IQGAP1: variants seen among roughly 807,000 people sequenced by gnomAD.
IQGAP1 encodes IQ motif containing GTPase activating protein 1, also known as ras GTPase-activating-like protein IQGAP1.
IQGAP1 carries 66 observed loss-of-function variants against 215.6 expected under a neutral mutation model. The ratio of observed to expected loss-of-function variants is 0.31; its 90% CI spans 0.25 to 0.38. The LOEUF (loss-of-function observed/expected upper bound fraction) is 0.38, where lower values mean the gene tolerates loss of function less well. Ranked by LOEUF, IQGAP1 falls within the 10% of genes least tolerant of loss-of-function variation. The pLI, the probability that IQGAP1 is intolerant of heterozygous loss-of-function variation, is 1.00. For synonymous variants in IQGAP1, 772 were observed against 728.7 expected, an observed-to-expected ratio of 1.06 and a Z score of -0.96; for missense variants, 1,712 against 1,997.1, an observed-to-expected ratio of 0.86 and a Z score of 2.72.
At chr15:90,455,799 A>C (rs1483327398) in intron 14 of IQGAP1, among the ~76,000 whole-genome samples, 8 of 152,070 alleles carry the variant, frequency 5.3e-5, no homozygotes, top group Admixed American at 5.2e-4. Context: ...CCTTTTTAAG[A>C]CTCTTCGTGA....
chr15:90,433,176 A>C (rs747618832), intron 4 of IQGAP1, among the ~76,000 whole-genome samples: 17 of 152,188 alleles, frequency 1.1e-4, no homozygotes, highest in Non-Finnish European at 2.2e-4. Context: ...TAGCTACTTC[A>C]TCTGTGTAGC....
At chr15:90,447,924 C>A (rs1365001753) in intron 9 of IQGAP1, among the ~76,000 whole-genome samples, 3 of 152,052 alleles carry the variant, frequency 2.0e-5, no homozygotes, top group Admixed American at 2.0e-4. Context: ...GGGAAGATGA[C>A]CCCTTTCACT....
chr15:90,482,115 T>C lies in IQGAP1; in HGVS notation c.3470+15T>C, dbSNP rs759149082. ...GACAAAATCCCGTGAGTGCCATCAG[T>C]TGTCATGACCCCCAGTAGAACCCAG... On this transcript the variant is annotated intron_variant, in intron 27 of 37. Transcript: ENST00000268182. 3.7e-6 allele frequency: 6 copies of C among 1,614,220 alleles called. No individual in the cohort carries two copies. Among genetic ancestry groups the C allele is most frequent in the Non-Finnish European group, 4.2e-6 (5 of 1,180,032 alleles).
chr15:90,474,865 T>C (rs1965955680), intron 23 of IQGAP1, 172 bp downstream of exon 23: 3 of 594,522 alleles, frequency 5.0e-6, no homozygotes, highest in African/African-American at 3.7e-5. Flanking sequence ...CAGGTTGTAG[T>C]GCGATGTGAT....
chr15:90,408,203 C>T lies in IQGAP1; in HGVS notation c.155+17330C>T, dbSNP rs186845280. On this transcript the variant is annotated intron_variant, in intron 2 of 37. Transcript: ENST00000268182. Reference sequence around the variant, plus strand: ...CACAGTGCTTTTTACAAAGTAGGTGCTTGGGGATATTGTTAAGTTGAATGA... The same window carrying T: ...CACAGTGCTTTTTACAAAGTAGGTGTTTGGGGATATTGTTAAGTTGAATGA... Among the ~76,000 whole-genome samples the T allele has an allele frequency of 7.6e-4, 115 of 152,152 alleles. 1 individual carries two copies. Among genetic ancestry groups the T allele is most frequent in the African/African-American group, 2.7e-3 (110 of 41,496 alleles).
intron 2 of IQGAP1, among the ~76,000 whole-genome samples, chr15:90,424,221 A>G (rs1479269421): frequency 6.6e-6 from 1 of 152,108 alleles, no homozygotes; most frequent in East Asian, 1.9e-4. Context: ...CTTGAACTAC[A>G]CTATTTTCCG....
chr15:90,462,645 T>G (rs555042686), intron 15 of IQGAP1, among the ~76,000 whole-genome samples: 1 of 152,352 alleles, frequency 6.6e-6, no homozygotes, highest in African/African-American at 2.4e-5. Flanking sequence ...GAGGGGTGTG[T>G]GAGTGTGTGC....
rs150553145 is a variant in IQGAP1, at chr15:90,420,139, T to C, written c.156-5971T>C. 9.2e-3 allele frequency among the ~76,000 whole-genome samples: 1,400 copies of C among 152,332 alleles called. 12 individuals are homozygous for C. Among genetic ancestry groups the C allele is most frequent in the Non-Finnish European group, 0.014 (969 of 68,030 alleles). Reference sequence around the variant, plus strand: ...CAGCATGTGACTCATCATGAGGGGATAGGAGGAAAGGCACAAATATTTTTT... The same window carrying C: ...CAGCATGTGACTCATCATGAGGGGACAGGAGGAAAGGCACAAATATTTTTT... On this transcript the variant is annotated intron_variant, in intron 2 of 37. Coordinates refer to ENST00000268182, the MANE Select transcript of IQGAP1 (RefSeq NM_003870.4).
chr15:90,443,598 TA>T, intron 9 of IQGAP1, 120 bp downstream of exon 9: 1 of 607,514 alleles, frequency 1.6e-6, no homozygotes. Context: ...TGGATTTGTT[TA>T]GCAATAATTG....
intron 7 of IQGAP1, among the ~76,000 whole-genome samples, chr15:90,440,953 A>G (rs1965440428): frequency 6.6e-6 from 1 of 152,116 alleles, no homozygotes; most frequent in African/African-American, 2.4e-5. Flanking sequence ...TAAAAATACA[A>G]AAATTTAGCC....
At chr15:90,424,423 G>T (rs1250248911) in intron 2 of IQGAP1, among the ~76,000 whole-genome samples, 3 of 152,198 alleles carry the variant, frequency 2.0e-5, no homozygotes, top group Non-Finnish European at 4.4e-5. Flanking sequence ...AGAAAAGACA[G>T]CAGAGAAGCT....
chr15:90,429,519 C>T (rs1487205838), intron 3 of IQGAP1, 70 bp from the exon 4 acceptor site: 5 of 1,186,250 alleles, frequency 4.2e-6, no homozygotes, highest in African/African-American at 1.6e-5. Flanking sequence ...GAAACTTTTG[C>T]GAAGAGAGTT....
chr15:90,390,574 T>A (rs1044946696), intron 1 of IQGAP1, among the ~76,000 whole-genome samples, 200 bp from the exon 2 acceptor site: 1 of 152,232 alleles, frequency 6.6e-6, no homozygotes, highest in Non-Finnish European at 1.5e-5. Flanking sequence ...TCATACATTT[T>A]TAAAAAGGTC....
At chr15:90,471,168 A>T (rs377591337) in intron 18 of IQGAP1, among the ~76,000 whole-genome samples, 17 of 152,250 alleles carry the variant, frequency 1.1e-4, no homozygotes, top group Non-Finnish European at 2.2e-4. Context: ...GCAATAGTGT[A>T]TAAGGTTGTA....
Position 90,398,287 on chromosome 15 carries a change from A to G in IQGAP1, c.155+7414A>G, listed in dbSNP as rs995842265. On this transcript the variant is annotated intron_variant, in intron 2 of 37. Transcript: ENST00000268182. ...TCAAGGTCCTAAGGTTGGTAGCCCT[A>G]GTTTTTTCACTTCAGACCTTAGCTT... is the stretch of plus-strand genomic sequence containing the variant. Among the ~76,000 whole-genome samples the G allele has an allele frequency of 8.5e-5, 13 of 152,292 alleles. No homozygotes were observed. The East Asian group carries it at 2.3e-3, about 27-fold the overall frequency.
intron 2 of IQGAP1, among the ~76,000 whole-genome samples, chr15:90,420,213 A>G (rs998730150): frequency 9.2e-5 from 14 of 152,158 alleles, no homozygotes; most frequent in African/African-American, 3.4e-4. Context: ...TTGCAATCTT[A>G]TTTAATCCTC....
Position 90,456,713 on chromosome 15 carries a change from T to TAAA in IQGAP1, c.1776+413_1776+415dup, listed in dbSNP as rs59435003. Among the ~76,000 whole-genome samples the TAAA allele has an allele frequency of 9.3e-3, 1,195 of 127,928 alleles. 12 individuals are homozygous for TAAA. The highest frequency in any genetic ancestry group is 0.031 in the African/African-American group (1,069 of 34,214). The allele number at this position is 127,928 out of a possible 152,430, so 83.9% of individuals were successfully genotyped here. On this transcript the variant is annotated intron_variant, in intron 15 of 37. Coordinates refer to ENST00000268182, the MANE Select transcript of IQGAP1 (RefSeq NM_003870.4). ...CAACATGGTGAAACCTCATCTCTAC[T>TAAA]AAAAAAAAAAAAAAAAATACAAAAA... is the stretch of plus-strand genomic sequence containing the variant.
chr15:90,461,692 G>C (rs2151027261), intron 15 of IQGAP1, among the ~76,000 whole-genome samples: 1 of 151,938 alleles, frequency 6.6e-6, no homozygotes, highest in East Asian at 2.0e-4. Context: ...TACAGGTGTG[G>C]TGTACACCCC....
Position 90,453,259 on chromosome 15 carries a change from G to C in IQGAP1, c.1454G>C (p.Gly485Ala). ...VWKQLSSSVT[G>A]LTNIEEENCQ... ...AAGCAATTGAGCAGTTCAGTTACTG[G>C]TCTTACCAATATTGAGGAAGAAAAC... is the stretch of plus-strand genomic sequence containing the variant. Residue 485 changes from glycine to alanine, a missense_variant, in exon 13 of 38, where the codon GGT (glycine) becomes GCT (alanine). Around this residue, in one of 2 missense-constraint regions of IQGAP1, gnomAD observed 1,021 missense variants for 1,074.2 expected, o/e 0.95. Transcript: ENST00000268182. 6.2e-7 allele frequency: 1 copy of C among 1,613,588 alleles called. No individual in the cohort carries two copies. Among genetic ancestry groups the C allele is most frequent in the South Asian group, 1.1e-5 (1 of 91,000 alleles).
Sources: allele counts gnomAD v4.1 joint callset (sites outside exome capture counted in the v4.1 genomes callset), GRCh38; gene constraint gnomAD v4.1.1; regional missense constraint gnomAD v4.1.1; transcripts MANE v1.5; gene names NCBI Gene and HGNC (gene_info 2026-07-23, HGNC 2026-07-21).